The following FBXL8 variants were observed in gnomAD, a reference collection of about 807,000 sequenced individuals.
FBXL8 encodes F-box and leucine rich repeat protein 8, also known as F-box/LRR-repeat protein 8.
Under a neutral mutation model 8.2 loss-of-function variants are expected in FBXL8, and 13 were observed. The ratio of observed to expected loss-of-function variants is 1.58; its 90% confidence interval spans 1.03 to 2.51. The LOEUF is 2.51. FBXL8 is among the 30% of genes most tolerant of loss of function. FBXL8 has a pLI of 0.00. For missense variants in FBXL8, 565 were observed against 540.4 expected (o/e 1.05, Z -0.45); for synonymous variants, 271 against 260.5 (o/e 1.04, Z -0.39).
rs1382133991 is a variant in FBXL8 at position 67,162,918 on chromosome 16, C to T, written c.223C>T (p.Arg75Trp). The T allele has an allele frequency of 1.3e-6, 2 of 1,554,646 alleles. No homozygotes were observed. The highest frequency in any genetic ancestry group is 3.9e-5 in the Admixed American group (2 of 51,496). The change falls in exon 3 of 3, where the codon CGG becomes TGG. Residue 75 changes from arginine (R) to tryptophan (W), a missense_variant. Arg to Trp is a moderately radical substitution (Grantham distance 101). Coordinates refer to ENST00000258200, the MANE Select transcript of FBXL8 (RefSeq NM_018378.3). ...CTGCCTCGACCACATTCACAACCTA[C>T]GGCTGGAATTTGAGCCATCGAGGAA... ...SACLDHIHNLRLEFEPSRKPS... is the reference protein window; with the variant it reads ...SACLDHIHNLWLEFEPSRKPS...
intron 1 of FBXL8, 186 bp downstream of exon 1, chr16:67,160,242 G>A (rs2030855276): frequency 6.6e-6 from 1 of 152,198 alleles, no homozygotes; most frequent in African/African-American, 2.4e-5. Context: ...TGCTACCAGT[G>A]GGCACTCAAA....
intron 2 of FBXL8, chr16:67,162,644 C>G (rs1368151767): frequency 1.3e-6 from 1 of 751,782 alleles, no homozygotes; most frequent in Non-Finnish European, 2.3e-6. Context: ...AGGTTTCATC[C>G]TGTGGCAGAC....
intron 2 of FBXL8, chr16:67,162,432 T>A: frequency 5.0e-6 from 3 of 603,404 alleles, no homozygotes; most frequent in Non-Finnish European, 8.9e-6. Context: ...ATGAAAACCT[T>A]GTGTGGTAGA....
At position 67,163,782 on chromosome 16, in the gene FBXL8, C is replaced by A; in HGVS notation, c.1087C>A (p.Arg363Ser). ...RLRTYTLKLT[R>S]EPHPWRPTLV... ...GCGCACCTATACCCTCAAGCTCACG[C>A]GCGAGCCGCATCCCTGGAGGCCTAC... The change falls in exon 3 of 3, where the codon CGC becomes AGC. Residue 363 changes from arginine to serine, a missense_variant. Transcript: ENST00000258200. 1.9e-6 allele frequency: 3 copies of A among 1,568,556 alleles called. No individual in the cohort carries two copies. The South Asian group carries it at 3.5e-5, about 18-fold the overall frequency.
chr16:67,160,021 C>G lies in FBXL8; in HGVS notation c.-87C>G, dbSNP rs2030848031. 6.6e-6 allele frequency: 1 copy of G among 152,296 alleles called. No individual in the cohort carries two copies. The highest frequency in any genetic ancestry group is 2.4e-5 in the African/African-American group (1 of 41,480). 9.4% of individuals were successfully genotyped at this position (152,296 alleles called of 1,614,324 possible). On this transcript the variant is annotated 5_prime_UTR_variant, in exon 1 of 3. Coordinates refer to ENST00000258200, the MANE Select transcript of FBXL8 (RefSeq NM_018378.3). ...TCCGCTGTCCTCTGCTGCCAGTCCC[C>G]TGCCCCGGGCAAAGCCCATCTGGTC...
At chr16:67,162,024 C>A in intron 2 of FBXL8, 87 bp downstream of exon 2, 2 of 1,417,116 alleles carry the variant, frequency 1.4e-6, no homozygotes, top group Non-Finnish European at 9.3e-7. Flanking sequence ...CAGGTTGACT[C>A]CCCCATATTA....
Position 67,163,569 on chromosome 16 carries a change from G to A in FBXL8, c.874G>A (p.Val292Met). ...CCTCTCAGGCGACACCGTAGGCCCA[G>A]TGCGCTTCGCAGCACACCACTACGC... is the stretch of plus-strand genomic sequence containing the variant. ...LNLSGDTVGP[V>M]RFAAHHYAAT... Residue 292 changes from valine (V) to methionine (M), a missense_variant, in exon 3 of 3, where the codon GTG (valine) becomes ATG (methionine). Transcript: ENST00000258200. 4 of 1,581,188 alleles carry A rather than the reference G, an allele frequency of 2.5e-6. No homozygotes were observed. Among genetic ancestry groups the A allele is most frequent in the Non-Finnish European group, 2.6e-6 (3 of 1,172,080 alleles).
At position 67,162,244 on chromosome 16, in the gene FBXL8, G is replaced by C. The variant is rs192170090; in HGVS notation, c.152+307G>C. 1.3e-3 allele frequency: 513 copies of C among 388,206 alleles called. 8 individuals are homozygous for C. Among genetic ancestry groups the C allele is most frequent in the Non-Finnish European group, 9.8e-5 (21 of 213,298 alleles). 24.0% of individuals were successfully genotyped at this position (388,206 alleles called of 1,614,324 possible). A position where few individuals can be genotyped will look rare whatever the true frequency, so the allele number is the denominator to read the frequency against. On this transcript the variant is annotated intron_variant, in intron 2 of 2. Coordinates refer to ENST00000258200, the MANE Select transcript of FBXL8 (RefSeq NM_018378.3). ...CTCGGGAGGCTGAGGCACAAGAATC[G>C]CTTGAACCCGGGAGGCAAAGGTTGC...
At position 67,161,805 on chromosome 16, in the gene FBXL8, G is replaced by A. The variant is rs141599444; in HGVS notation, c.20G>A (p.Gly7Glu). Residue 7 changes from glycine to glutamate, a missense_variant, in exon 2 of 3, where the codon GGA becomes GAA. Physicochemically the swap from Gly to Glu is moderately conservative, Grantham distance 98. Transcript: ENST00000258200. MAEPGEGLPEEVLALIF... is the reference protein window; with the variant it reads MAEPGEELPEEVLALIF... ...TGGGCCATGGCCGAGCCTGGAGAGG[G>A]ACTGCCAGAGGAGGTGCTGGCACTC... 8.1e-6 allele frequency: 13 copies of A among 1,608,170 alleles called. No homozygotes were observed. In the African/African-American group the frequency reaches 1.6e-4, roughly 20 times the overall value.
rs2031000538 is a variant in FBXL8, at chr16:67,163,368, C to T, written c.673C>T (p.Arg225Trp). Residue 225 changes from arginine to tryptophan, a missense_variant, in exon 3 of 3, where the codon CGG becomes TGG. Arg to Trp is a moderately radical substitution (Grantham distance 101, BLOSUM62 -3). Transcript: ENST00000258200. ...DRAPFALLALRCACPEDARAS... is the reference protein window; with the variant it reads ...DRAPFALLALWCACPEDARAS... ...AGCGCCTTTCGCGCTCTTGGCTCTGCGGTGCGCGTGCCCCGAAGATGCACG... is the reference window on the plus strand; with the variant it reads ...AGCGCCTTTCGCGCTCTTGGCTCTGTGGTGCGCGTGCCCCGAAGATGCACG... The T allele has an allele frequency of 1.3e-6, 2 of 1,546,044 alleles. No individual in the cohort carries two copies. The highest frequency in any genetic ancestry group is 1.7e-6 in the Non-Finnish European group (2 of 1,150,848).
Position 67,163,735 on chromosome 16 carries a change from TCCGCGCGCACTGC to T in FBXL8, c.1047_1059del (p.His350CysfsTer131). 1.9e-6 allele frequency: 3 copies of T among 1,596,168 alleles called. No individual in the cohort carries two copies. In the South Asian group the frequency reaches 3.3e-5, roughly 18 times the overall value. On this transcript the variant is annotated frameshift_variant, in exon 3 of 3. Transcript: ENST00000258200. LOFTEE classifies it high-confidence loss of function. ...GTGAGCCACTCGGTGCTGGACGCCT[TCCGCGCGCACTGC>T]CCGCGCCTGCGCACCTATACCCTCA... is the stretch of plus-strand genomic sequence containing the variant.
At chr16:67,162,509 C>T in intron 2 of FBXL8, 1 of 685,996 alleles carries the variant, frequency 1.5e-6, no homozygotes, top group Non-Finnish European at 2.7e-6. Context: ...TCACTTCCCA[C>T]GGGTCACTCA....
At position 67,163,847 on chromosome 16, in the gene FBXL8, G is replaced by A; in HGVS notation, c.*27G>A. ...TGGGCGACTTCTCTCCCCCGTCCCC[G>A]TGGACGTAAGCGCTCTGAGAGGGAA... On this transcript the variant is annotated 3_prime_UTR_variant, in exon 3 of 3. Transcript: ENST00000258200. 1.3e-6 allele frequency: 2 copies of A among 1,523,248 alleles called. No individual in the cohort carries two copies. The highest frequency in any genetic ancestry group is 2.3e-5 in the East Asian group (1 of 43,430). 94.4% of individuals were successfully genotyped at this position (1,523,248 alleles called of 1,614,324 possible). A position where few individuals can be genotyped will look rare whatever the true frequency, so the allele number is the denominator to read the frequency against.
At position 67,163,604 on chromosome 16, in the gene FBXL8, G is replaced by C. The variant is rs770178260; in HGVS notation, c.909G>C (p.Leu303=). The change falls in exon 3 of 3, where the codon CTG becomes CTC. Residue 303 remains leucine, a synonymous_variant. Transcript: ENST00000258200. The part of the protein sequence containing the change: ...RFAAHHYAAT[L]CALEVRAAAS... ...CAGCACACCACTACGCCGCAACCCT[G>C]TGCGCGCTCGAGGTGCGCGCAGCCG... The C allele has an allele frequency of 5.7e-6, 9 of 1,572,540 alleles. No individual in the cohort carries two copies. The South Asian group carries it at 1.0e-4, about 18-fold the overall frequency.
In FBXL8 at chr16:67,162,958, C is replaced by T; in HGVS notation, c.263C>T (p.Ala88Val). The T allele has an allele frequency of 1.9e-6, 3 of 1,560,434 alleles. No homozygotes were observed. Among genetic ancestry groups the T allele is most frequent in the Non-Finnish European group, 2.6e-6 (3 of 1,152,156 alleles). ...CCATCGAGGAAGCCGAGCCGCCGGG[C>T]GGCCATCGAGCTGCTGATGGTTCTG... ...FEPSRKPSRR[A>V]AIELLMVLAG... is the part of the protein sequence containing the mutation. The change falls in exon 3 of 3, where the codon GCG becomes GTG. Residue 88 changes from alanine (A) to valine (V), a missense_variant. Transcript: ENST00000258200.
In FBXL8 at chr16:67,163,040, G is replaced by A; in HGVS notation, c.345G>A (p.Pro115=). Residue 115 remains proline (P), a synonymous_variant, in exon 3 of 3, where the codon CCG becomes CCA. Transcript: ENST00000258200. Reference sequence around the variant, plus strand: ...GCCTGGAGTGCCGCGGAGAAAAACCGCTCTTCGACGCGGGCCGCGACGTCC... The same window carrying A: ...GCCTGGAGTGCCGCGGAGAAAAACCACTCTTCGACGCGGGCCGCGACGTCC... ...GLRLECRGEK[P]LFDAGRDVLE... The A allele has an allele frequency of 2.6e-6, 4 of 1,564,148 alleles. No homozygotes were observed. The highest frequency in any genetic ancestry group is 3.5e-6 in the Non-Finnish European group (4 of 1,154,036).
chr16:67,162,116 G>A lies in FBXL8; in HGVS notation c.152+179G>A. The A allele has an allele frequency of 9.2e-6, 7 of 760,942 alleles. 1 individual carries two copies. Among genetic ancestry groups the A allele is most frequent in the South Asian group, 4.4e-5 (2 of 45,698 alleles). The allele number at this position is 760,942 out of a possible 1,614,324, so 47.1% of individuals were successfully genotyped here. A position where few individuals can be genotyped will look rare whatever the true frequency, so the allele number is the denominator to read the frequency against. The stretch of plus-strand genomic sequence containing the variant: ...AGGCCGAGGCGGGTGGATCACCTGA[G>A]GTCAGGAGTTTGAGACCAGCCTGGC... On this transcript the variant is annotated intron_variant, in intron 2 of 2. Transcript: ENST00000258200.
chr16:67,161,200 GGAGGCCCAGGCGGGCCGATCGCTT>G (rs1210222859), intron 1 of FBXL8: 4 of 175,828 alleles, frequency 2.3e-5, no homozygotes, highest in African/African-American at 9.5e-5. Context: ...CAGCACTTTG[GGAGGCCCAGGCGGGCCGATCGCTT>G]GAGCCTAGGA....
chr16:67,162,412 T>C (rs2030944974), intron 2 of FBXL8: 2 of 597,342 alleles, frequency 3.3e-6, no homozygotes, highest in Admixed American at 2.9e-5. Flanking sequence ...TATTAACTAA[T>C]TTAATCCTTA....
Sources: allele counts gnomAD v4.1 joint callset, GRCh38; gene constraint gnomAD v4.1.1; transcripts MANE v1.5; gene names NCBI Gene and HGNC (gene_info 2026-07-23, HGNC 2026-07-21).